PRDM16: variants seen among roughly 807,000 people sequenced by gnomAD.
PRDM16 encodes PR/SET domain 16, also known as histone-lysine N-methyltransferase PRDM16.
In PRDM16, 23 loss-of-function variants were observed where a neutral mutation model predicts 110.6. That is an observed-to-expected ratio of 0.21 (90% CI 0.15 to 0.29). PRDM16 has a LOEUF of 0.29. PRDM16 is among the 10% of genes least tolerant of loss of function. The pLI, the probability that PRDM16 is intolerant of heterozygous loss-of-function variation, is 1.00. For missense variants in PRDM16, 1,615 were observed against 1,794.3 expected (o/e 0.90, Z 1.81); for synonymous variants, 799 against 781.8 (o/e 1.02, Z -0.37).
intron 1 of PRDM16, among the ~76,000 whole-genome samples, chr1:3,179,283 G>A (rs1445133436): frequency 1.3e-5 from 2 of 152,358 alleles, no homozygotes; most frequent in Admixed American, 6.5e-5. Flanking sequence ...GGGTCAGAGC[G>A]CTTGTGCCCC....
At chr1:3,142,706 G>A (rs970327014) in intron 1 of PRDM16, among the ~76,000 whole-genome samples, 2 of 152,162 alleles carry the variant, frequency 1.3e-5, no homozygotes, top group African/African-American at 2.4e-5. Context: ...CCGAGAGCGG[G>A]TAATTACCTG....
In PRDM16 at chr1:3,299,310, A is replaced by T. The variant is rs2455141; in HGVS notation, c.438+55173A>T. The stretch of plus-strand genomic sequence containing the variant: ...TGCTATGCTGTGGCCATGATGTTTC[A>T]GATCCCAGTCGTGGTGACTCTGCCC... On this transcript the variant is annotated intron_variant, in intron 3 of 16. Transcript: ENST00000270722. 6.8e-3 allele frequency among the ~76,000 whole-genome samples: 575 copies of T among 84,534 alleles called. 16 individuals are homozygous for T. Among genetic ancestry groups the T allele is most frequent in the East Asian group, 0.042 (89 of 2,104 alleles). 55.5% of individuals were successfully genotyped at this position (84,534 alleles called of 152,430 possible). A position where few individuals can be genotyped will look rare whatever the true frequency, so the allele number is the denominator to read the frequency against.
At chr1:3,371,951 C>T (rs1341793200) in intron 3 of PRDM16, among the ~76,000 whole-genome samples, 1 of 152,226 alleles carries the variant, frequency 6.6e-6, no homozygotes, top group East Asian at 1.9e-4. Context: ...CTGTGGGCCT[C>T]AGCTCTGCAT....
At chr1:3,313,914 G>A (rs1052422204) in intron 3 of PRDM16, among the ~76,000 whole-genome samples, 15 of 152,250 alleles carry the variant, frequency 9.9e-5, no homozygotes, top group Non-Finnish European at 2.2e-4. Flanking sequence ...TTCGCGCCCT[G>A]GCTGCGATTT....
chr1:3,195,124 C>T lies in PRDM16; in HGVS notation c.387+8650C>T, dbSNP rs768118893. ...CACAGCGTCGGGATTTGGAGAGAGA[C>T]GGGGCCCTGTGGGATGGTGCGGAGC... On this transcript the variant is annotated intron_variant, in intron 2 of 16. Transcript: ENST00000270722. 2.9e-4 allele frequency among the ~76,000 whole-genome samples: 44 copies of T among 152,284 alleles called. 1 individual carries two copies. Among genetic ancestry groups the T allele is most frequent in the East Asian group, 7.7e-4 (4 of 5,166 alleles).
Position 3,186,368 on chromosome 1 carries a change from C to T in PRDM16, c.281C>T (p.Ala94Val). Reference protein sequence around the residue: ...FELRESSIPGAGLGVWAKRKM... With the variant: ...FELRESSIPGVGLGVWAKRKM... ...CTCCGAGAGTCCTCCATCCCAGGGG[C>T]TGGCCTGGGGGTCTGGGCCAAGAGG... The change falls in exon 2 of 17, where the codon GCT becomes GTT. Residue 94 changes from alanine to valine, a missense_variant. Coordinates refer to ENST00000270722, the MANE Select transcript of PRDM16 (RefSeq NM_022114.4). 1 of 1,611,560 alleles carries T rather than the reference C, an allele frequency of 6.2e-7. No individual in the cohort carries two copies. The highest frequency in any genetic ancestry group is 1.3e-5 in the African/African-American group (1 of 75,028).
chr1:3,215,427 T>TCCTGGGAACAGGCAAGGCCCAC (rs1557534859), intron 2 of PRDM16, among the ~76,000 whole-genome samples: 45 of 80,462 alleles, frequency 5.6e-4, no homozygotes, highest in African/African-American at 5.4e-3. Context: ...CAAGGCCTAT[T>TCCTGGGAACAGGCAAGGCCCAC]GGGGTCCAGG....
intron 3 of PRDM16, among the ~76,000 whole-genome samples, chr1:3,271,649 G>A (rs1640459237): frequency 6.6e-6 from 1 of 152,198 alleles, no homozygotes; most frequent in Non-Finnish European, 1.5e-5. Context: ...CCAAGGGCTT[G>A]CATTTCTCAG....
In PRDM16 at chr1:3,290,686, GA is replaced by G. The variant is rs1370887800; in HGVS notation, c.438+46552del. ...AGGAGCACTGTCCCCACAACCCAGG[GA>G]AACAACAGGGCTCCAGGGGGACGTG... On this transcript the variant is annotated intron_variant, in intron 3 of 16. Coordinates refer to ENST00000270722, the MANE Select transcript of PRDM16 (RefSeq NM_022114.4). The surrounding 1 kb of genome is among the most constrained non-coding windows in gnomAD (Gnocchi z 4.8). Among the ~76,000 whole-genome samples the G allele has an allele frequency of 4.6e-5, 7 of 152,108 alleles. No individual in the cohort carries two copies. The highest frequency in any genetic ancestry group is 7.3e-5 in the Non-Finnish European group (5 of 68,040).
Position 3,433,957 on chromosome 1 carries a change from C to A in PRDM16, c.*146C>A. On this transcript the variant is annotated 3_prime_UTR_variant, in exon 17 of 17. Transcript: ENST00000270722. ...CCACCATGGTTCATTCCGACTTTTC[C>A]AATGGAAACTCAGATCCCAAAAGTC... 3.7e-6 allele frequency: 3 copies of A among 805,870 alleles called. No homozygotes were observed. The highest frequency in any genetic ancestry group is 5.7e-6 in the Non-Finnish European group (3 of 523,460). 49.9% of individuals were successfully genotyped at this position (805,870 alleles called of 1,614,324 possible).
chr1:3,238,748 C>A (rs535620365), intron 2 of PRDM16, among the ~76,000 whole-genome samples: 1 of 152,042 alleles, frequency 6.6e-6, no homozygotes, highest in Non-Finnish European at 1.5e-5. Flanking sequence ...GTGCAAGTCC[C>A]GGGTGGAAGG....
intron 2 of PRDM16, chr1:3,207,333 T>C (rs1449798444): frequency 6.6e-6 from 1 of 152,242 alleles, no homozygotes; most frequent in African/African-American, 2.4e-5. Context: ...GGGCAAGTTT[T>C]ACGACCTTGG....
chr1:3,235,372 C>T (rs1208571196), intron 2 of PRDM16, among the ~76,000 whole-genome samples: 1 of 152,188 alleles, frequency 6.6e-6, no homozygotes, highest in East Asian at 1.9e-4. Context: ...AGCCATTGAT[C>T]GCGAGGGCCA....
At chr1:3,378,767 C>T (rs1026301117) in intron 3 of PRDM16, among the ~76,000 whole-genome samples, 7 of 152,034 alleles carry the variant, frequency 4.6e-5, no homozygotes, top group African/African-American at 1.7e-4. Context: ...AGTACAGGCC[C>T]AAGAAGCCAG....
intron 2 of PRDM16, among the ~76,000 whole-genome samples, chr1:3,234,369 C>T (rs944967479): frequency 6.6e-6 from 1 of 152,198 alleles, no homozygotes; most frequent in South Asian, 2.1e-4. Context: ...AGGAGCTGTC[C>T]CCGCCCCAGC....
rs1639787470 is a variant in PRDM16, at chr1:3,246,228, G to A, written c.438+2091G>A. Among the ~76,000 whole-genome samples the A allele has an allele frequency of 1.3e-5, 2 of 152,186 alleles. No individual in the cohort carries two copies. The highest frequency in any genetic ancestry group is 4.8e-5 in the African/African-American group (2 of 41,442). On this transcript the variant is annotated intron_variant, in intron 3 of 16. Coordinates refer to ENST00000270722, the MANE Select transcript of PRDM16 (RefSeq NM_022114.4). This position sits in a 1 kb window ranked among gnomAD's most constrained non-coding sequence, Gnocchi z 5.2. ...TTAGGTCTCGCTCAGTGTGGCCCAAGGTCATTCTTGAGAGCGGCTCCCGGG... is the reference window on the plus strand; with the variant it reads ...TTAGGTCTCGCTCAGTGTGGCCCAAAGTCATTCTTGAGAGCGGCTCCCGGG...
intron 1 of PRDM16, among the ~76,000 whole-genome samples, chr1:3,184,648 G>A (rs1215588839): frequency 7.2e-5 from 11 of 152,124 alleles, no homozygotes; most frequent in Admixed American, 7.2e-4. Flanking sequence ...ACCCAGCAGT[G>A]CGACCACCCC....
At chr1:3,231,393 G>A (rs548210461) in intron 2 of PRDM16, among the ~76,000 whole-genome samples, 3 of 150,506 alleles carry the variant, frequency 2.0e-5, no homozygotes, top group Non-Finnish European at 2.9e-5. Context: ...CATGGACAGC[G>A]GTCAAGGCCG....
At chr1:3,158,181 G>A (rs1162729880) in intron 1 of PRDM16, among the ~76,000 whole-genome samples, 2 of 152,104 alleles carry the variant, frequency 1.3e-5, no homozygotes, top group Non-Finnish European at 2.9e-5. Flanking sequence ...TCCCCGTAAC[G>A]GGATAGTGAT....
Sources: allele counts gnomAD v4.1 joint callset (sites outside exome capture counted in the v4.1 genomes callset), GRCh38; gene constraint gnomAD v4.1.1; non-coding constraint Gnocchi (gnomAD v3.1); transcripts MANE v1.5; gene names NCBI Gene and HGNC (gene_info 2026-07-23, HGNC 2026-07-21).